The following NELL1 variants were observed in gnomAD, a reference collection of about 807,000 sequenced individuals.
NELL1 encodes the protein neural EGFL like 1, also known as protein kinase C-binding protein NELL1.
A neutral mutation model predicts 107.4 loss-of-function variants in NELL1; 76 were observed. That is an observed-to-expected ratio of 0.71 (90% confidence interval 0.59 to 0.86). The LOEUF (loss-of-function observed/expected upper bound fraction) is 0.86, where lower values mean the gene tolerates loss of function less well. Ranked by LOEUF, NELL1 falls within the 40% of genes least tolerant of loss-of-function variation. The pLI, the probability that NELL1 is intolerant of heterozygous loss-of-function variation, is 0.00. For missense variants in NELL1, 1,024 were observed against 1,005.5 expected (o/e 1.02, Z -0.25); for synonymous variants, 353 against 341.2 (o/e 1.03, Z -0.38).
At chr11:21,572,578 AC>A (rs1353620137) in intron 18 of NELL1, among the ~76,000 whole-genome samples, 1 of 148,116 alleles carries the variant, frequency 6.8e-6, no homozygotes, top group African/African-American at 2.6e-5. Context: ...CAATGAAGCC[AC>A]AGATGCCAGA....
chr11:21,281,997 G>A (rs1335067467), intron 14 of NELL1, among the ~76,000 whole-genome samples: 2 of 152,138 alleles, frequency 1.3e-5, no homozygotes, highest in Non-Finnish European at 2.9e-5. Context: ...GTGGGCAAAT[G>A]GGATCACATT....
intron 14 of NELL1, among the ~76,000 whole-genome samples, chr11:21,237,689 T>C (rs1009796503): frequency 6.6e-6 from 1 of 152,130 alleles, no homozygotes; most frequent in Non-Finnish European, 1.5e-5. Context: ...GATCAGACTA[T>C]AGTCTGAATG....
chr11:20,905,974 C>G (rs995403939), intron 5 of NELL1, among the ~76,000 whole-genome samples: 4 of 152,056 alleles, frequency 2.6e-5, no homozygotes, highest in African/African-American at 9.7e-5. Flanking sequence ...AAGGTATCCA[C>G]ACTGAGACAC....
intron 2 of NELL1, among the ~76,000 whole-genome samples, chr11:20,782,484 C>T (rs1282411654): frequency 2.0e-5 from 3 of 152,188 alleles, no homozygotes; most frequent in East Asian, 1.9e-4. Flanking sequence ...TAAGAGATCA[C>T]CTAGTCTACC....
chr11:21,251,609 G>A (rs1232625899), intron 14 of NELL1, among the ~76,000 whole-genome samples: 1 of 151,846 alleles, frequency 6.6e-6, no homozygotes, highest in Non-Finnish European at 1.5e-5. Context: ...GATCCACCAG[G>A]TAGGAATATT....
chr11:21,136,846 T>G (rs114976396), intron 13 of NELL1, among the ~76,000 whole-genome samples: 5 of 152,280 alleles, frequency 3.3e-5, no homozygotes, highest in African/African-American at 1.2e-4. Context: ...GTCACAAGTT[T>G]AAGTGGATGT....
At chr11:21,403,798 C>CACAGAAAGTGGGAGTCTTT (rs1203719082) in intron 15 of NELL1, among the ~76,000 whole-genome samples, 1 of 151,738 alleles carries the variant, frequency 6.6e-6, no homozygotes, top group Non-Finnish European at 1.5e-5. Context: ...TCTACCTGGA[C>CACAGAAAGTGGGAGTCTTT]ACAGAAAGTG....
intron 4 of NELL1, among the ~76,000 whole-genome samples, chr11:20,872,958 G>A (rs12290720): frequency 0.13 from 19,104 of 151,964 alleles, 1,487 homozygotes; most frequent in African/African-American, 0.2. Flanking sequence ...AGCAGATAGT[G>A]GTTGGATCAG....
intron 2 of NELL1, among the ~76,000 whole-genome samples, chr11:20,723,234 C>G (rs1429138178): frequency 1.3e-5 from 2 of 152,168 alleles, no homozygotes; most frequent in African/African-American, 2.4e-5. Flanking sequence ...AAAGTCTTAA[C>G]TCAGTCCAGC....
intron 15 of NELL1, among the ~76,000 whole-genome samples, chr11:21,371,357 A>G (rs920775415): frequency 6.6e-6 from 1 of 152,130 alleles, no homozygotes; most frequent in Non-Finnish European, 1.5e-5. Flanking sequence ...GCGTAAAACC[A>G]CATTAAATAA....
chr11:21,005,326 A>G lies in NELL1; in HGVS notation c.1300+44766A>G, dbSNP rs577782011. Among the ~76,000 whole-genome samples the G allele has an allele frequency of 1.1e-4, 17 of 152,352 alleles. No homozygotes were observed. In the East Asian group the frequency reaches 2.7e-3, roughly 24 times the overall value. ...TTTCTGTGTTTACAAATTAGGTAAC[A>G]TCACAGATTTCACTCTTTTTGACTT... On this transcript the variant is annotated intron_variant, in intron 12 of 19. Transcript: ENST00000357134.
intron 2 of NELL1, among the ~76,000 whole-genome samples, chr11:20,777,377 G>T (rs1249809225): frequency 6.6e-6 from 1 of 152,204 alleles, no homozygotes; most frequent in African/African-American, 2.4e-5. Flanking sequence ...ACAAATGGAG[G>T]TTTAATGGAA....
chr11:20,860,453 G>T (rs1414322636), intron 4 of NELL1, among the ~76,000 whole-genome samples: 4 of 152,114 alleles, frequency 2.6e-5, no homozygotes, highest in Non-Finnish European at 5.9e-5. Context: ...TCACATTCTC[G>T]ATGGCTTCAT....
intron 14 of NELL1, among the ~76,000 whole-genome samples, chr11:21,295,414 C>A (rs1279859000): frequency 6.6e-6 from 1 of 151,942 alleles, no homozygotes; most frequent in African/African-American, 2.4e-5. Flanking sequence ...AATGGTAAAT[C>A]AAATAGTCAA....
At chr11:21,541,210 A>G (rs1564950151) in intron 16 of NELL1, among the ~76,000 whole-genome samples, 1 of 152,142 alleles carries the variant, frequency 6.6e-6, no homozygotes, top group African/African-American at 2.4e-5. Flanking sequence ...ACATACAGCT[A>G]TTCTTACGGG....
chr11:21,463,052 A>G (rs545344534), intron 15 of NELL1, among the ~76,000 whole-genome samples: 1 of 152,104 alleles, frequency 6.6e-6, no homozygotes, highest in Non-Finnish European at 1.5e-5. Flanking sequence ...TTGCTGAATC[A>G]TTCTCTAAAA....
At chr11:21,136,676 A>G (rs574581463) in intron 13 of NELL1, among the ~76,000 whole-genome samples, 3 of 152,350 alleles carry the variant, frequency 2.0e-5, no homozygotes, top group South Asian at 4.1e-4. Context: ...GTGCAAAAGA[A>G]GTTAAAAGTA....
Position 21,035,138 on chromosome 11 carries a change from A to C in NELL1, c.1300+74578A>C, listed in dbSNP as rs186723413. ...TGGAAAATGTAGAAGAACTGGATACATTCCTGGACACATACACCCTCCCAA... is the reference window on the plus strand; with the variant it reads ...TGGAAAATGTAGAAGAACTGGATACCTTCCTGGACACATACACCCTCCCAA... On this transcript the variant is annotated intron_variant, in intron 12 of 19. Coordinates refer to ENST00000357134, the MANE Select transcript of NELL1 (RefSeq NM_006157.5). Among the ~76,000 whole-genome samples, 542 of 152,290 alleles carry C rather than the reference A, an allele frequency of 3.6e-3. 1 individual carries two copies. Among genetic ancestry groups the C allele is most frequent in the Middle Eastern group, 0.02 (6 of 294 alleles).
At chr11:21,384,158 C>T (rs950935800) in intron 15 of NELL1, among the ~76,000 whole-genome samples, 1 of 151,892 alleles carries the variant, frequency 6.6e-6, no homozygotes, top group African/African-American at 2.4e-5. Context: ...TCTAACTCAT[C>T]CTCCTTCCAC....
Sources: allele counts gnomAD v4.1 joint callset (sites outside exome capture counted in the v4.1 genomes callset), GRCh38; gene constraint gnomAD v4.1.1; transcripts MANE v1.5; gene names NCBI Gene and HGNC (gene_info 2026-07-23, HGNC 2026-07-21).